Variants in FHIT observed in about 807,000 individuals in gnomAD.
FHIT encodes the protein fragile histidine triad diadenosine triphosphatase, also known as bis(5'-adenosyl)-triphosphatase.
FHIT carries 19 observed loss-of-function variants against 17.9 expected under a neutral mutation model. That is an observed-to-expected ratio of 1.06 (90% CI 0.74 to 1.56). FHIT has a LOEUF of 1.56. FHIT is among the 40% of genes most tolerant of loss of function. The pLI is 0.00. For synonymous variants in FHIT, 81 were observed against 69.7 expected (o/e 1.16, Z -0.81); for missense variants, 248 against 189.2 (o/e 1.31, Z -1.82).
At chr3:60,566,673 C>T (rs1306886007) in intron 4 of FHIT, among the ~76,000 whole-genome samples, 1 of 152,140 alleles carries the variant, frequency 6.6e-6, no homozygotes, top group Non-Finnish European at 1.5e-5. Context: ...CAAATTGTCC[C>T]TGTTTGCAGA....
chr3:59,788,886 T>TTTTTTTTTTTGTTTTTTG (rs1243336461), intron 8 of FHIT, among the ~76,000 whole-genome samples: 1 of 139,738 alleles, frequency 7.2e-6, no homozygotes, highest in African/African-American at 2.7e-5. Flanking sequence ...CATATGTTTT[T>TTTTTTTTTTTGTTTTTTG]TTTTTTTACC....
chr3:60,803,903 T>A (rs1389485181), intron 4 of FHIT, among the ~76,000 whole-genome samples: 1 of 151,976 alleles, frequency 6.6e-6, no homozygotes, highest in Non-Finnish European at 1.5e-5. Flanking sequence ...TGGTCCATTT[T>A]AAAAACTTGC....
chr3:61,196,319 A>C (rs908094074), intron 2 of FHIT, among the ~76,000 whole-genome samples: 3 of 152,188 alleles, frequency 2.0e-5, no homozygotes, highest in African/African-American at 7.2e-5. Context: ...CTTTGATAAA[A>C]ATAAAAATAA....
intron 4 of FHIT, among the ~76,000 whole-genome samples, chr3:60,669,974 C>T (rs1207469307): frequency 6.6e-6 from 1 of 152,076 alleles, no homozygotes; most frequent in Non-Finnish European, 1.5e-5. Context: ...GTCACTTGTC[C>T]CTCATATCTG....
intron 5 of FHIT, among the ~76,000 whole-genome samples, chr3:60,105,653 G>A (rs1273378092): frequency 6.6e-6 from 1 of 152,084 alleles, no homozygotes; most frequent in African/African-American, 2.4e-5. Context: ...AACTTCCTTT[G>A]CTCTGCCATG....
intron 4 of FHIT, among the ~76,000 whole-genome samples, chr3:60,621,854 CAG>C (rs1392512314): frequency 1.5e-5 from 2 of 132,742 alleles, no homozygotes; most frequent in African/African-American, 5.7e-5. Context: ...GCCTGGGTGA[CAG>C]AGTGAGACAC....
chr3:60,691,555 T>C (rs1264585897), intron 4 of FHIT, among the ~76,000 whole-genome samples: 1 of 151,892 alleles, frequency 6.6e-6, no homozygotes, highest in African/African-American at 2.4e-5. Flanking sequence ...TTTTTTGAAG[T>C]GACAGGTTTA....
rs371279511 is a variant in FHIT, at chr3:60,702,774, T to G, written c.-18+119145A>C. Among the ~76,000 whole-genome samples, 41 of 152,298 alleles carry G rather than the reference T, an allele frequency of 2.7e-4. No individual in the cohort carries two copies. The East Asian group carries it at 7.5e-3, about 28-fold the overall frequency. On this transcript the variant is annotated intron_variant, in intron 4 of 9. Transcript: ENST00000492590. ...TAAGTAACAGTGCTAATAGCAAATA[T>G]TCCTGTGTATTCTTCCTGATTTAAT...
At chr3:59,909,987 T>C (rs1704790067) in intron 8 of FHIT, among the ~76,000 whole-genome samples, 1 of 152,170 alleles carries the variant, frequency 6.6e-6, no homozygotes, top group African/African-American at 2.4e-5. Flanking sequence ...TCCATTTATA[T>C]GCCACTCTTT....
intron 8 of FHIT, among the ~76,000 whole-genome samples, chr3:59,921,595 G>C (rs377462181): frequency 6.6e-6 from 1 of 152,218 alleles, no homozygotes; most frequent in Non-Finnish European, 1.5e-5. Context: ...TATCTAATCT[G>C]CTCTACCGTG....
intron 5 of FHIT, among the ~76,000 whole-genome samples, chr3:60,273,848 A>G (rs1186250486): frequency 1.3e-5 from 2 of 152,224 alleles, no homozygotes; most frequent in African/African-American, 4.8e-5. Flanking sequence ...GTTTTCACAA[A>G]TATTTAAAAT....
At chr3:61,190,311 C>A in intron 2 of FHIT, among the ~76,000 whole-genome samples, 1 of 152,150 alleles carries the variant, frequency 6.6e-6, no homozygotes, top group Non-Finnish European at 1.5e-5. Context: ...ATTTATGCAG[C>A]CAAAAGACAC....
At chr3:60,966,370 C>A (rs1709743056) in intron 3 of FHIT, among the ~76,000 whole-genome samples, 1 of 152,248 alleles carries the variant, frequency 6.6e-6, no homozygotes, top group Non-Finnish European at 1.5e-5. Context: ...GGGAATTCCC[C>A]AACCCCTTGC....
intron 5 of FHIT, among the ~76,000 whole-genome samples, chr3:60,350,304 A>G (rs1385982540): frequency 6.6e-6 from 1 of 152,124 alleles, no homozygotes. Flanking sequence ...AGTAGTGGAG[A>G]TGGCACTGAA....
At chr3:60,125,230 T>G (rs1705487206) in intron 5 of FHIT, among the ~76,000 whole-genome samples, 1 of 152,214 alleles carries the variant, frequency 6.6e-6, no homozygotes, top group African/African-American at 2.4e-5. Context: ...TTACCAGCTG[T>G]ACAACTTTGG....
intron 5 of FHIT, among the ~76,000 whole-genome samples, chr3:60,403,970 A>G (rs1701757936): frequency 6.6e-6 from 1 of 152,188 alleles, no homozygotes; most frequent in Non-Finnish European, 1.5e-5. Flanking sequence ...AAAGGACAGA[A>G]CTTTGCAAAC....
intron 5 of FHIT, among the ~76,000 whole-genome samples, chr3:60,358,464 G>T (rs1260312974): frequency 1.3e-5 from 2 of 152,154 alleles, no homozygotes; most frequent in African/African-American, 4.8e-5. Context: ...TCTGAATTTG[G>T]CACAAAGATC....
At chr3:60,077,183 G>A (rs561531817) in intron 5 of FHIT, among the ~76,000 whole-genome samples, 1 of 152,108 alleles carries the variant, frequency 6.6e-6, no homozygotes, top group Non-Finnish European at 1.5e-5. Context: ...GCAGCCTAAG[G>A]AGGACTTATT....
rs570572007 is a variant in FHIT, at chr3:59,885,536, A to G, written c.348+36810T>C. 4.0e-5 allele frequency among the ~76,000 whole-genome samples: 6 copies of G among 151,820 alleles called. No individual in the cohort carries two copies. In the South Asian group the frequency reaches 1.2e-3, roughly 32 times the overall value. On this transcript the variant is annotated intron_variant, in intron 8 of 9. Transcript: ENST00000492590. ...ATGGAATGAGAACATCAGCAACTGC[A>G]GCCTATTGGATTTCGGTTTAGTAGA...
Sources: gnomAD v4.1 joint callset for allele counts (sites outside exome capture counted in the v4.1 genomes callset) on GRCh38, gnomAD v4.1.1 for gene constraint, MANE v1.5 for transcripts, NCBI Gene and HGNC (gene_info 2026-07-23, HGNC 2026-07-21) for gene names.